STARD9: variants seen among roughly 807,000 people sequenced by gnomAD.
STARD9 encodes the protein StAR related lipid transfer domain containing 9.
Under a neutral mutation model 399.8 loss-of-function variants are expected in STARD9, and 346 were observed. The observed-to-expected ratio is 0.87, with a 90% CI of 0.79 to 0.95. The LOEUF (loss-of-function observed/expected upper bound fraction) is 0.95, where lower values mean the gene tolerates loss of function less well. STARD9 is among the 40% of genes least tolerant of loss of function. The pLI is 0.00. For missense variants in STARD9, 5,832 were observed against 5,667.5 expected, an observed-to-expected ratio of 1.03 and a Z score of -0.93; for synonymous variants, 2,203 against 2,143.5, an observed-to-expected ratio of 1.03 and a Z score of -0.77.
chr15:42,685,258 C>G lies in STARD9; in HGVS notation c.3680C>G (p.Ala1227Gly). The G allele has an allele frequency of 2.0e-6, 3 of 1,537,532 alleles. No individual in the cohort carries two copies. Among genetic ancestry groups the G allele is most frequent in the Non-Finnish European group, 2.6e-6 (3 of 1,146,990 alleles). ...CAAGAAGAACCTTTCCCTGGTTCAG[C>G]TGACGAGATACCCACAGAGACTTTT... Reference protein sequence around the residue: ...DQQEEPFPGSADEIPTETFWH... With the variant: ...DQQEEPFPGSGDEIPTETFWH... Residue 1227 changes from alanine (A) to glycine (G), a missense_variant, in exon 23 of 33, where the codon GCT becomes GGT. This residue lies in a region of STARD9 where 5,828 missense variants were observed against 5,651.1 expected (regional missense o/e 1.03). Transcript: ENST00000290607.
At chr15:42,612,894 G>A (rs1399992019) in intron 3 of STARD9, among the ~76,000 whole-genome samples, 2 of 150,054 alleles carry the variant, frequency 1.3e-5, no homozygotes, top group Non-Finnish European at 3.0e-5. Flanking sequence ...TGAGGCAGGA[G>A]AATTGCTTGA....
chr15:42,615,679 A>G (rs2058948583), intron 3 of STARD9, among the ~76,000 whole-genome samples: 1 of 151,670 alleles, frequency 6.6e-6, no homozygotes, highest in African/African-American at 2.4e-5. Context: ...GAGAATTAAC[A>G]TAGGAGGAAA....
At chr15:42,642,319 C>G (rs1483638188) in intron 7 of STARD9, among the ~76,000 whole-genome samples, 3 of 152,164 alleles carry the variant, frequency 2.0e-5, no homozygotes, top group African/African-American at 4.8e-5. Context: ...AAAAGAGTAG[C>G]CTTTCCATTA....
At chr15:42,713,923 G>GCCC (rs1026005617) in intron 26 of STARD9, among the ~76,000 whole-genome samples, 1 of 152,064 alleles carries the variant, frequency 6.6e-6, no homozygotes, top group Non-Finnish European at 1.5e-5. Flanking sequence ...GTTCCCTCCT[G>GCCC]ATTTTTGGAA....
chr15:42,688,183 G>A lies in STARD9; in HGVS notation c.6605G>A (p.Arg2202Lys), dbSNP rs1349569730. ...EFTNTSLHPQRMKALARALPL... is the reference protein window; with the variant it reads ...EFTNTSLHPQKMKALARALPL... ...ACCAACACTTCTCTTCACCCACAGA[G>A]AATGAAAGCATTGGCTAGAGCTCTG... Residue 2202 changes from arginine to lysine, a missense_variant, in exon 23 of 33, where the codon AGA (arginine) becomes AAA (lysine). By Grantham distance (26) the Arg-to-Lys change is conservative. Coordinates refer to ENST00000290607, the MANE Select transcript of STARD9 (RefSeq NM_020759.3). 1.3e-6 allele frequency: 2 copies of A among 1,537,536 alleles called. No homozygotes were observed. The highest frequency in any genetic ancestry group is 2.7e-5 in the African/African-American group (2 of 73,174).
At position 42,671,710 on chromosome 15, in the gene STARD9, A is replaced by G. The variant is rs2060205811; in HGVS notation, c.1497+2373A>G. 2.7e-5 allele frequency: 4 copies of G among 147,940 alleles called. 1 individual carries two copies. The highest frequency in any genetic ancestry group is 1.3e-4 in the Admixed American group (2 of 14,824). 9.2% of individuals were successfully genotyped at this position (147,940 alleles called of 1,614,324 possible). A position where few individuals can be genotyped will look rare whatever the true frequency, so the allele number is the denominator to read the frequency against. On this transcript the variant is annotated intron_variant, in intron 16 of 32. Transcript: ENST00000290607. ...AGGAAGAAAAAAGAGAAAAAGGAAA[A>G]AAAGGGGTGGGGGGTTACTATGAAT...
Position 42,688,101 on chromosome 15 carries a change from A to C in STARD9, c.6523A>C (p.Arg2175=). The C allele has an allele frequency of 6.5e-7, 1 of 1,537,366 alleles. No homozygotes were observed. The highest frequency in any genetic ancestry group is 8.7e-7 in the Non-Finnish European group (1 of 1,146,946). The change falls in exon 23 of 33, where the codon AGA becomes CGA. Residue 2175 remains arginine, a synonymous_variant. Transcript: ENST00000290607. ...GCACACCCACCCAGCTGGATCGGAC[A>C]GACCTGCCAGGGATATTTGTGATTC... ...REHTHPAGSD[R]PARDICDSLG...
chr15:42,598,071 G>A (rs989084276), intron 3 of STARD9, among the ~76,000 whole-genome samples: 6 of 137,376 alleles, frequency 4.4e-5, no homozygotes, highest in South Asian at 5.2e-4. Context: ...TTGCTCTGTC[G>A]CTGAGGCTGG....
chr15:42,603,961 C>A (rs564632546), intron 3 of STARD9, among the ~76,000 whole-genome samples: 25 of 152,096 alleles, frequency 1.6e-4, no homozygotes, highest in Non-Finnish European at 2.9e-4. Flanking sequence ...ACTCCTGCAC[C>A]GTAATTTCTA....
At chr15:42,630,444 C>G (rs760449044) in intron 3 of STARD9, among the ~76,000 whole-genome samples, 6 of 152,126 alleles carry the variant, frequency 3.9e-5, no homozygotes, top group Admixed American at 6.6e-5. Context: ...CAGGGTAATA[C>G]TGGCCTTAAA....
At chr15:42,601,527 G>T (rs957396627) in intron 3 of STARD9, among the ~76,000 whole-genome samples, 2 of 147,398 alleles carry the variant, frequency 1.4e-5, no homozygotes, top group African/African-American at 5.2e-5. Context: ...GGCTGGCCGG[G>T]CGGGGGCTGC....
At position 42,655,298 on chromosome 15, in the gene STARD9, C is replaced by T. The variant is rs768792091; in HGVS notation, c.702+2706C>T. Among the ~76,000 whole-genome samples, 7 of 152,054 alleles carry T rather than the reference C, an allele frequency of 4.6e-5. No homozygotes were observed. The South Asian group carries it at 1.5e-3, about 32-fold the overall frequency. ...CTTCGTCTCAAAAACAACAACAAAACCAAATCTGGATGCATTACATTACCC... is the reference window on the plus strand; with the variant it reads ...CTTCGTCTCAAAAACAACAACAAAATCAAATCTGGATGCATTACATTACCC... On this transcript the variant is annotated intron_variant, in intron 9 of 32. Coordinates refer to ENST00000290607, the MANE Select transcript of STARD9 (RefSeq NM_020759.3).
At chr15:42,665,145 A>T (rs2060069468) in intron 13 of STARD9, 108 bp from the exon 14 acceptor site, 4 of 806,190 alleles carry the variant, frequency 5.0e-6, no homozygotes, top group Non-Finnish European at 8.0e-6. Context: ...TGCTGTAGAG[A>T]CTACTCCAAA....
intron 26 of STARD9, among the ~76,000 whole-genome samples, chr15:42,703,214 A>G (rs1177909654): frequency 6.6e-6 from 1 of 152,086 alleles, no homozygotes; most frequent in African/African-American, 2.4e-5. Flanking sequence ...GGAACTTTTT[A>G]CCTTTCCATA....
rs550992626 is a variant in STARD9, at chr15:42,608,247, A to G, written c.234+22610A>G. On this transcript the variant is annotated intron_variant, in intron 3 of 32. Coordinates refer to ENST00000290607, the MANE Select transcript of STARD9 (RefSeq NM_020759.3). The stretch of plus-strand genomic sequence containing the variant: ...GCCCTTCTGCAAGCTAGTCTTTAGG[A>G]TTGGAGGAGGGTAGTGTGGTTTGTG... Among the ~76,000 whole-genome samples, 28 of 152,106 alleles carry G rather than the reference A, an allele frequency of 1.8e-4. 1 individual carries two copies. The South Asian group carries it at 4.8e-3, about 26-fold the overall frequency.
chr15:42,668,486 G>A (rs2060145645), intron 15 of STARD9, among the ~76,000 whole-genome samples: 2 of 151,382 alleles, frequency 1.3e-5, no homozygotes, highest in Admixed American at 1.3e-4. Flanking sequence ...ATTTATCACT[G>A]TGCATGTCCC....
At chr15:42,594,296 C>T (rs1190877374) in intron 3 of STARD9, among the ~76,000 whole-genome samples, 2 of 152,040 alleles carry the variant, frequency 1.3e-5, no homozygotes, top group East Asian at 3.9e-4. Flanking sequence ...ATTCCACATG[C>T]GATTATTCAG....
At chr15:42,633,806 G>A (rs1046881897) in intron 3 of STARD9, among the ~76,000 whole-genome samples, 2 of 151,822 alleles carry the variant, frequency 1.3e-5, no homozygotes, top group African/African-American at 2.4e-5. Flanking sequence ...CCATGCCTGG[G>A]TAATTTTTTG....
intron 26 of STARD9, among the ~76,000 whole-genome samples, chr15:42,707,565 G>T (rs2061116666): frequency 6.6e-6 from 1 of 151,572 alleles, no homozygotes; most frequent in African/African-American, 2.4e-5. Flanking sequence ...CGACTCCTGG[G>T]CTCAAGAAAT....
Sources: gnomAD v4.1 joint callset for allele counts (sites outside exome capture counted in the v4.1 genomes callset) on GRCh38, gnomAD v4.1.1 for gene constraint, gnomAD v4.1.1 regional missense constraint, MANE v1.5 for transcripts, NCBI Gene and HGNC (gene_info 2026-07-23, HGNC 2026-07-21) for gene names.